Variants in PLCXD3 observed in about 807,000 individuals in gnomAD.
PLCXD3 encodes PI-PLC X domain-containing protein 3.
Under a neutral mutation model 25.5 loss-of-function variants are expected in PLCXD3, and 19 were observed. The observed-to-expected ratio is 0.75, with a 90% confidence interval of 0.52 to 1.09. The LOEUF is 1.09. Among genes scored for constraint, PLCXD3 ranks in the 50% least tolerant of loss-of-function variants. The probability of loss-of-function intolerance (pLI) is 0.00; values close to 1 mark genes in which losing one functional copy is unlikely to be tolerated. For missense variants in PLCXD3, 411 were observed against 388.1 expected, an observed-to-expected ratio of 1.06 and a Z score of -0.50; for synonymous variants, 174 against 137.6, an observed-to-expected ratio of 1.26 and a Z score of -1.85.
chr5:41,382,218 C>CACT lies in PLCXD3; in HGVS notation c.417_419dup (p.Val140dup). 5 of 1,613,770 alleles carry CACT rather than the reference C, an allele frequency of 3.1e-6. No individual in the cohort carries two copies. Among genetic ancestry groups the CACT allele is most frequent in the Non-Finnish European group, 4.2e-6 (5 of 1,179,794 alleles). On this transcript the variant is annotated inframe_insertion, in exon 2 of 3. Transcript: ENST00000377801. ...CATAAAAGTGGTTGAAGTCCAAGAA[C>CACT]ACTACCTCCTTATGGTGATCTGTGA...
intron 2 of PLCXD3, among the ~76,000 whole-genome samples, chr5:41,345,035 T>G (rs1744260592): frequency 6.6e-6 from 1 of 152,166 alleles, no homozygotes; most frequent in Admixed American, 6.5e-5. Context: ...AACAAAATGA[T>G]TCTATTACAG....
chr5:41,431,142 C>T (rs1364030126), intron 1 of PLCXD3, among the ~76,000 whole-genome samples: 1 of 152,180 alleles, frequency 6.6e-6, no homozygotes, highest in African/African-American at 2.4e-5. Flanking sequence ...CCTCATCAGT[C>T]TCCTTCCATA....
chr5:41,487,963 A>T lies in PLCXD3; in HGVS notation c.103+22461T>A, dbSNP rs527547581. 8.5e-4 allele frequency among the ~76,000 whole-genome samples: 129 copies of T among 151,798 alleles called. 2 individuals are homozygous for T. In the East Asian group the frequency reaches 0.024, roughly 28 times the overall value. ...TCAAGTTTTAGGGTACATGTGCACA[A>T]TGTGCAGGTTAGTTACATATGTATA... On this transcript the variant is annotated intron_variant, in intron 1 of 2. Transcript: ENST00000377801.
chr5:41,348,703 T>C (rs1391257860), intron 2 of PLCXD3, among the ~76,000 whole-genome samples: 1 of 152,118 alleles, frequency 6.6e-6, no homozygotes, highest in Non-Finnish European at 1.5e-5. Context: ...AGGTGTGATA[T>C]TGAATATGTT....
chr5:41,355,972 C>T (rs1185068824), intron 2 of PLCXD3, among the ~76,000 whole-genome samples: 1 of 152,092 alleles, frequency 6.6e-6, no homozygotes, highest in East Asian at 1.9e-4. Context: ...TACCACCAGG[C>T]CATTTATCTT....
In PLCXD3 at chr5:41,475,119, T is replaced by C. The variant is rs139821901; in HGVS notation, c.103+35305A>G. Reference sequence around the variant, plus strand: ...AAACCCTGAAATAGTAACAAAAAGATGGTATGTACCAAACTCCAAACAAAA... The same window carrying C: ...AAACCCTGAAATAGTAACAAAAAGACGGTATGTACCAAACTCCAAACAAAA... On this transcript the variant is annotated intron_variant, in intron 1 of 2. Transcript: ENST00000377801. Among the ~76,000 whole-genome samples, 124 of 152,260 alleles carry C rather than the reference T, an allele frequency of 8.1e-4. 1 individual carries two copies. In the East Asian group the frequency reaches 0.016, roughly 20 times the overall value.
intron 2 of PLCXD3, among the ~76,000 whole-genome samples, chr5:41,372,194 G>A (rs1293130622): frequency 6.6e-6 from 1 of 151,758 alleles, no homozygotes; most frequent in African/African-American, 2.4e-5. Flanking sequence ...TTCCATAGAA[G>A]AAAACTGAGA....
chr5:41,315,577 C>G (rs368536686), intron 2 of PLCXD3, among the ~76,000 whole-genome samples: 18 of 152,240 alleles, frequency 1.2e-4, no homozygotes, highest in African/African-American at 4.3e-4. Context: ...CAAAAAACAC[C>G]TTTATAAGAA....
At chr5:41,346,146 G>C (rs969178958) in intron 2 of PLCXD3, among the ~76,000 whole-genome samples, 10 of 152,198 alleles carry the variant, frequency 6.6e-5, no homozygotes, top group African/African-American at 9.7e-5. Context: ...CTCCCGAAGT[G>C]CTGGGATTAC....
chr5:41,324,971 T>C lies in PLCXD3; in HGVS notation c.813-11201A>G, dbSNP rs73075976. 2.0e-3 allele frequency among the ~76,000 whole-genome samples: 306 copies of C among 152,294 alleles called. 3 individuals are homozygous for C. The highest frequency in any genetic ancestry group is 7.3e-3 in the African/African-American group (303 of 41,556). ...GTCATGGGAGGTTCCTGAGCAACCATATTCACGTCTCAGAACCTTGATTAT... is the reference window on the plus strand; with the variant it reads ...GTCATGGGAGGTTCCTGAGCAACCACATTCACGTCTCAGAACCTTGATTAT... On this transcript the variant is annotated intron_variant, in intron 2 of 2. Coordinates refer to ENST00000377801, the MANE Select transcript of PLCXD3 (RefSeq NM_001005473.3).
At chr5:41,481,155 TG>T (rs1305591441) in intron 1 of PLCXD3, among the ~76,000 whole-genome samples, 2 of 139,636 alleles carry the variant, frequency 1.4e-5, no homozygotes, top group Non-Finnish European at 3.1e-5. Flanking sequence ...AGCTTGGACA[TG>T]GAAATCCAAC....
intron 1 of PLCXD3, among the ~76,000 whole-genome samples, chr5:41,388,445 C>T (rs905794705): frequency 2.6e-5 from 4 of 152,030 alleles, no homozygotes; most frequent in African/African-American, 9.7e-5. Flanking sequence ...ATATTCAGTA[C>T]TCAAGATATT....
chr5:41,473,624 T>G (rs1318541934), intron 1 of PLCXD3, among the ~76,000 whole-genome samples: 1 of 151,958 alleles, frequency 6.6e-6, no homozygotes, highest in Non-Finnish European at 1.5e-5. Context: ...CGCTAATTTT[T>G]TTTTTGTATT....
intron 1 of PLCXD3, among the ~76,000 whole-genome samples, chr5:41,491,680 AT>A (rs1291246507): frequency 6.6e-6 from 1 of 151,990 alleles, no homozygotes; most frequent in Non-Finnish European, 1.5e-5. Context: ...TCCCTTTAGC[AT>A]TATGTAATGT....
intron 2 of PLCXD3, among the ~76,000 whole-genome samples, chr5:41,334,486 C>G (rs776088320): frequency 6.6e-6 from 1 of 152,102 alleles, no homozygotes; most frequent in South Asian, 2.1e-4. Flanking sequence ...TCACCCTCAT[C>G]CTAACGACAC....
intron 1 of PLCXD3, among the ~76,000 whole-genome samples, chr5:41,433,780 C>T (rs565467912): frequency 6.6e-6 from 1 of 152,338 alleles, no homozygotes; most frequent in African/African-American, 2.4e-5. Context: ...GAGAAAACTG[C>T]TGCCGTATCA....
At chr5:41,446,114 G>C (rs1373646252) in intron 1 of PLCXD3, among the ~76,000 whole-genome samples, 1 of 138,818 alleles carries the variant, frequency 7.2e-6, no homozygotes, top group Non-Finnish European at 1.5e-5. Context: ...CGTGAACCCG[G>C]GAGGCGGAGC....
At chr5:41,369,452 A>G (rs1313439772) in intron 2 of PLCXD3, among the ~76,000 whole-genome samples, 1 of 152,108 alleles carries the variant, frequency 6.6e-6, no homozygotes, top group Non-Finnish European at 1.5e-5. Flanking sequence ...CCCATTAATT[A>G]ATAGCTTTTG....
At chr5:41,336,886 G>C (rs1279228378) in intron 2 of PLCXD3, among the ~76,000 whole-genome samples, 1 of 152,054 alleles carries the variant, frequency 6.6e-6, no homozygotes, top group African/African-American at 2.4e-5. Flanking sequence ...AAGAGAATTC[G>C]AGAGTAAACC....
Sources: gnomAD v4.1 joint callset for allele counts (sites outside exome capture counted in the v4.1 genomes callset) on GRCh38, gnomAD v4.1.1 for gene constraint, MANE v1.5 for transcripts, NCBI Gene and HGNC (gene_info 2026-07-23, HGNC 2026-07-21) for gene names.